The following ESR1 variants were observed in gnomAD, a reference collection of about 807,000 sequenced individuals.
ESR1 encodes the protein estrogen receptor 1.
ESR1 carries 12 observed loss-of-function variants against 52.7 expected under a neutral mutation model. The observed-to-expected ratio is 0.23, with a 90% CI of 0.15 to 0.37. The LOEUF (loss-of-function observed/expected upper bound fraction) is 0.37, where lower values mean the gene tolerates loss of function less well. Among genes scored for constraint, ESR1 ranks in the 10% least tolerant of loss-of-function variants. The pLI is 1.00. For synonymous variants in ESR1, 305 were observed against 316.8 expected (o/e 0.96, Z 0.39); for missense variants, 584 against 779.7 (o/e 0.75, Z 2.99).
intron 5 of ESR1, among the ~76,000 whole-genome samples, chr6:152,015,835 G>A (rs1006672243): frequency 1.2e-4 from 18 of 152,076 alleles, no homozygotes; most frequent in Middle Eastern, 3.4e-3. Flanking sequence ...TCCAAATTTC[G>A]CCATTTGGAA....
chr6:152,000,322 T>A (rs142487460), intron 4 of ESR1, among the ~76,000 whole-genome samples: 318 of 152,156 alleles, frequency 2.1e-3, no homozygotes, highest in African/African-American at 7.3e-3. Context: ...AACTCATAAG[T>A]GGCAAAGCTG....
intron 3 of ESR1, among the ~76,000 whole-genome samples, chr6:151,921,018 C>T (rs142884230): frequency 6.6e-6 from 1 of 151,954 alleles, no homozygotes; most frequent in Non-Finnish European, 1.5e-5. Flanking sequence ...TTTGCTGCAC[C>T]CGTCAGCTCA....
chr6:151,788,209 C>T (rs569300733), intron 2 of ESR1, among the ~76,000 whole-genome samples: 26 of 152,216 alleles, frequency 1.7e-4, no homozygotes, highest in African/African-American at 4.6e-4. Flanking sequence ...GCAAACTATG[C>T]GTCTAACCAA....
rs1230567789 is a variant in ESR1 at position 151,862,761 on chromosome 6, A to G, written c.644-17894A>G. Among the ~76,000 whole-genome samples the G allele has an allele frequency of 2.0e-5, 3 of 152,122 alleles. 1 individual carries two copies. The highest frequency in any genetic ancestry group is 4.4e-5 in the Non-Finnish European group (3 of 68,028). ...CTTAGCCTTTTTCCTATTCTGTGTG[A>G]AAGAACTGTAGTAGTTTTCTCTTGC... On this transcript the variant is annotated intron_variant, in intron 2 of 7. Transcript: ENST00000206249.
At chr6:152,071,434 T>C (rs914202806) in intron 6 of ESR1, among the ~76,000 whole-genome samples, 1 of 152,116 alleles carries the variant, frequency 6.6e-6, no homozygotes. Context: ...ATCAAATCCC[T>C]TTCTGCTATT....
At chr6:151,899,585 C>A (rs866054405) in intron 3 of ESR1, among the ~76,000 whole-genome samples, 3 of 150,804 alleles carry the variant, frequency 2.0e-5, no homozygotes, top group Non-Finnish European at 3.0e-5. Context: ...CTGACCCCCC[C>A]ACCTCCCTCC....
chr6:152,099,943 A>G lies in ESR1; in HGVS notation c.*977A>G. On this transcript the variant is annotated 3_prime_UTR_variant, in exon 8 of 8. Transcript: ENST00000206249. The stretch of plus-strand genomic sequence containing the variant: ...ATGAGGGTAAATGGTAGTTGAAAGG[A>G]GCAGGGGCCCTGGTGTTGCATTTAG... The G allele has an allele frequency of 5.0e-6, 2 of 398,992 alleles. No homozygotes were observed. The allele number at this position is 398,992 out of a possible 1,614,324, so 24.7% of individuals were successfully genotyped here.
chr6:151,727,454 G>C (rs377166359), intron 2 of ESR1, among the ~76,000 whole-genome samples: 7 of 152,154 alleles, frequency 4.6e-5, no homozygotes, highest in East Asian at 1.9e-4. Flanking sequence ...TGCCTGTCTC[G>C]GCCTCCCAAA....
At chr6:152,122,651 A>C in intron 6 of ESR1, 1 of 1,614,010 alleles carries the variant, frequency 6.2e-7, no homozygotes. Context: ...TCAGAAAGGG[A>C]GGAATCGGAG....
chr6:151,876,615 C>T (rs779154549), intron 2 of ESR1, among the ~76,000 whole-genome samples: 46 of 152,052 alleles, frequency 3.0e-4, no homozygotes, highest in Admixed American at 5.2e-4. Flanking sequence ...GGAAAAAGAA[C>T]AAGGGAAGCT....
chr6:151,808,580 A>T (rs1778269514), intron 1 of ESR1, among the ~76,000 whole-genome samples: 1 of 152,114 alleles, frequency 6.6e-6, no homozygotes, highest in Admixed American at 6.5e-5. Flanking sequence ...GGGCAGCTGA[A>T]AAAAACGTAC....
At chr6:152,110,796 T>C (rs182444179) in intron 6 of ESR1, among the ~76,000 whole-genome samples, 10 of 152,292 alleles carry the variant, frequency 6.6e-5, no homozygotes, top group Admixed American at 5.9e-4. Context: ...TATGACACCT[T>C]GGACAGGATG....
intron 6 of ESR1, among the ~76,000 whole-genome samples, chr6:152,121,114 T>C (rs1304112879): frequency 6.6e-6 from 1 of 152,184 alleles, no homozygotes; most frequent in Non-Finnish European, 1.5e-5. Context: ...ACCTGAGTTT[T>C]ATGTGCCCCA....
At chr6:152,080,002 C>G (rs2049058444) in intron 6 of ESR1, among the ~76,000 whole-genome samples, 1 of 152,096 alleles carries the variant, frequency 6.6e-6, no homozygotes, top group African/African-American at 2.4e-5. Flanking sequence ...GTGAAACAAA[C>G]AAATATATGT....
At chr6:151,672,774 A>T (rs1431024916) in intron 1 of ESR1, among the ~76,000 whole-genome samples, 2 of 148,232 alleles carry the variant, frequency 1.3e-5, no homozygotes, top group Non-Finnish European at 3.0e-5. Context: ...TGCCCGCCCT[A>T]AACCTTTTTT....
chr6:151,695,525 C>G (rs934159521), intron 1 of ESR1, among the ~76,000 whole-genome samples: 1 of 152,174 alleles, frequency 6.6e-6, no homozygotes, highest in Admixed American at 6.5e-5. Context: ...AGCAGCTCAG[C>G]TCCCCTAAAC....
intron 3 of ESR1, among the ~76,000 whole-genome samples, chr6:151,937,190 A>G (rs1365990632): frequency 6.6e-6 from 1 of 152,208 alleles, no homozygotes; most frequent in Non-Finnish European, 1.5e-5. Context: ...AATGTAAAAT[A>G]AAACCAGTAA....
chr6:151,985,095 G>A (rs1304726186), intron 4 of ESR1, among the ~76,000 whole-genome samples: 2 of 152,068 alleles, frequency 1.3e-5, no homozygotes, highest in African/African-American at 2.4e-5. Context: ...CAAATGAAAC[G>A]TGTCACTCAG....
intron 2 of ESR1, among the ~76,000 whole-genome samples, chr6:151,709,192 CA>C (rs1780398244): frequency 6.6e-6 from 1 of 152,026 alleles, no homozygotes; most frequent in Admixed American, 6.6e-5. Context: ...TCTATGAGAT[CA>C]ACCTTTTTAG....
Sources: allele counts gnomAD v4.1 joint callset (sites outside exome capture counted in the v4.1 genomes callset), GRCh38; gene constraint gnomAD v4.1.1; transcripts MANE v1.5; gene names NCBI Gene and HGNC (gene_info 2026-07-23, HGNC 2026-07-21).